The following REDIC1 variants were observed in gnomAD, a reference collection of about 807,000 sequenced individuals.
The protein encoded by REDIC1 is regulator of DNA class I crossover intermediates 1.
the REDIC1 span, among the ~76,000 whole-genome samples, chr12:39,677,042 A>C: frequency 2.7e-5 from 4 of 146,448 alleles, no homozygotes; most frequent in Admixed American, 6.8e-5. Flanking sequence ...AAAAAAAAAC[A>C]CCAAGATATC....
the REDIC1 span, among the ~76,000 whole-genome samples, chr12:39,859,950 A>T: frequency 0.019 from 2,882 of 152,336 alleles, 99 homozygotes; most frequent in African/African-American, 0.065. Flanking sequence ...TATGCTAGGC[A>T]TCATTAAATT....
chr12:39,650,141 A>G, the REDIC1 span: 1 of 1,214,024 alleles, frequency 8.2e-7, no homozygotes, highest in Non-Finnish European at 1.1e-6. This position sits in a 1 kb window ranked among gnomAD's most constrained non-coding sequence, Gnocchi z 4.3. Context: ...TTTAAAATAT[A>G]AATGTAGTTC....
At chr12:39,651,256 T>C in the REDIC1 span, among the ~76,000 whole-genome samples, 1 of 152,210 alleles carries the variant, frequency 6.6e-6, no homozygotes, top group Non-Finnish European at 1.5e-5. Context: ...TTACTATATA[T>C]ACTGTACTTA....
At chr12:39,673,321 T>G in the REDIC1 span, among the ~76,000 whole-genome samples, 11 of 152,222 alleles carry the variant, frequency 7.2e-5, no homozygotes, top group Non-Finnish European at 1.5e-4. Context: ...TTTTATTAGT[T>G]AGTAGAGTCG....
At chr12:39,660,675 C>T in the REDIC1 span, among the ~76,000 whole-genome samples, 2 of 151,990 alleles carry the variant, frequency 1.3e-5, no homozygotes, top group African/African-American at 4.8e-5. Context: ...TAAGTCCTCA[C>T]CTCTAGCTAT....
the REDIC1 span, chr12:39,682,650 A>G: frequency 6.2e-7 from 1 of 1,605,274 alleles, no homozygotes; most frequent in Non-Finnish European, 8.5e-7. Flanking sequence ...GCCCTGCTGT[A>G]ATTATGGATG....
the REDIC1 span, among the ~76,000 whole-genome samples, chr12:39,748,928 A>G: frequency 2.0e-5 from 3 of 152,202 alleles, no homozygotes; most frequent in African/African-American, 7.2e-5. Flanking sequence ...CAGTGTGTAG[A>G]GGGAAATTTA....
the REDIC1 span, among the ~76,000 whole-genome samples, chr12:39,699,959 C>G: frequency 6.6e-6 from 1 of 152,000 alleles, no homozygotes; most frequent in Non-Finnish European, 1.5e-5. Context: ...CATCAAAGAC[C>G]AAAAGTAGAT....
the REDIC1 span, among the ~76,000 whole-genome samples, chr12:39,654,457 G>A: frequency 6.6e-6 from 1 of 151,968 alleles, no homozygotes; most frequent in Non-Finnish European, 1.5e-5. Context: ...GTGTGGTGGC[G>A]GGCGCCTGTA....
At chr12:39,872,089 C>A in the REDIC1 span, 1 of 657,838 alleles carries the variant, frequency 1.5e-6, no homozygotes, top group South Asian at 4.5e-5. Flanking sequence ...ATCAAATTAA[C>A]GTGGGAATTC....
chr12:39,712,557 GTGTATATACGTATATACGTATATA>G, the REDIC1 span, among the ~76,000 whole-genome samples: 11 of 139,966 alleles, frequency 7.9e-5, no homozygotes, highest in Admixed American at 4.4e-4. Context: ...CACGACATAT[GTGTATATACGTATATACGTATATA>G]TGTATATACG....
the REDIC1 span, chr12:39,907,542 C>A: frequency 6.6e-6 from 1 of 152,112 alleles, no homozygotes; most frequent in African/African-American, 2.4e-5. Flanking sequence ...AATATAGAAT[C>A]TGCCCATAAT....
chr12:39,735,875 G>T, the REDIC1 span, among the ~76,000 whole-genome samples: 1 of 152,212 alleles, frequency 6.6e-6, no homozygotes, highest in Admixed American at 6.5e-5. Context: ...GATGAATTTT[G>T]TGGGTGTAAC....
the REDIC1 span, among the ~76,000 whole-genome samples, chr12:39,793,418 T>A: frequency 6.6e-6 from 1 of 152,152 alleles, no homozygotes; most frequent in African/African-American, 2.4e-5. Context: ...ATAGAGTCAA[T>A]GTAAGTCCAA....
the REDIC1 span, among the ~76,000 whole-genome samples, chr12:39,882,578 T>C: frequency 0.02 from 3,110 of 152,276 alleles, 110 homozygotes; most frequent in African/African-American, 0.068. Context: ...TTTCATAGCA[T>C]TTCCCTTCTT....
At chr12:39,908,111 C>T in the REDIC1 span, 6 of 151,938 alleles carry the variant, frequency 3.9e-5, no homozygotes, top group African/African-American at 1.5e-4. Context: ...CACTTTTTCT[C>T]TTAATTTATT....
chr12:39,652,494 A>T, the REDIC1 span, among the ~76,000 whole-genome samples: 1 of 152,116 alleles, frequency 6.6e-6, no homozygotes, highest in Non-Finnish European at 1.5e-5. Context: ...TGATTTTGGC[A>T]TCTTTTCATG....
chr12:39,660,144 A>G, the REDIC1 span, among the ~76,000 whole-genome samples: 173 of 152,244 alleles, frequency 1.1e-3, no homozygotes, highest in South Asian at 6.0e-3. Flanking sequence ...GGTTCTTTTC[A>G]CAGCCTTCGG....
chr12:39,765,147 G>C, the REDIC1 span, among the ~76,000 whole-genome samples: 1 of 152,042 alleles, frequency 6.6e-6, no homozygotes, highest in Non-Finnish European at 1.5e-5. Context: ...TAACACTTCA[G>C]TACCACTGAG....
Sources: gnomAD v4.1 joint callset for allele counts (sites outside exome capture counted in the v4.1 genomes callset) on GRCh38, gnomAD v4.1.1 for gene constraint, Gnocchi (gnomAD v3.1) non-coding constraint, MANE v1.5 for transcripts, NCBI Gene and HGNC (gene_info 2026-07-23, HGNC 2026-07-21) for gene names.